RYR2: variants seen among roughly 807,000 people sequenced by gnomAD.
RYR2 encodes the protein ryanodine receptor 2.
RYR2 carries 227 observed loss-of-function variants against 601.1 expected under a neutral mutation model. The observed-to-expected ratio is 0.38, with a 90% confidence interval of 0.34 to 0.42. RYR2 has a LOEUF of 0.42. Among genes scored for constraint, RYR2 ranks in the 10% least tolerant of loss-of-function variants. RYR2 has a pLI of 1.00. For synonymous variants in RYR2, 2,223 were observed against 2,175.1 expected, an observed-to-expected ratio of 1.02 and a Z score of -0.61; for missense variants, 4,646 against 6,156.5, an observed-to-expected ratio of 0.75 and a Z score of 8.21.
intron 104 of RYR2, 33 bp from the exon 105 acceptor site, chr1:237,832,519 G>T: frequency 7.0e-7 from 1 of 1,435,000 alleles, no homozygotes; most frequent in Non-Finnish European, 9.8e-7. Flanking sequence ...ACACTTTGGG[G>T]AAAATGTTAA....
chr1:237,612,683 A>G (rs1678017871), intron 36 of RYR2, among the ~76,000 whole-genome samples: 1 of 152,178 alleles, frequency 6.6e-6, no homozygotes, highest in Non-Finnish European at 1.5e-5. Context: ...CAAAACAAAC[A>G]CAACATTTGG....
intron 1 of RYR2, among the ~76,000 whole-genome samples, chr1:237,244,619 C>G (rs1371560052): frequency 6.6e-6 from 1 of 152,184 alleles, no homozygotes; most frequent in Non-Finnish European, 1.5e-5. Flanking sequence ...AATATAAAAT[C>G]CAGCTCATCC....
chr1:237,444,297 G>T (rs941039605), intron 13 of RYR2, among the ~76,000 whole-genome samples: 64 of 152,066 alleles, frequency 4.2e-4, no homozygotes, highest in African/African-American at 1.4e-3. Flanking sequence ...TCTATTTTTA[G>T]GACATGAAAA....
At chr1:237,544,500 AT>A (rs1332535507) in intron 25 of RYR2, among the ~76,000 whole-genome samples, 2 of 151,988 alleles carry the variant, frequency 1.3e-5, no homozygotes, top group African/African-American at 4.8e-5. Context: ...TTATTTTAGT[AT>A]TTTTTCTTTT....
intron 10 of RYR2, among the ~76,000 whole-genome samples, chr1:237,397,100 A>G (rs1043443193): frequency 1.3e-5 from 2 of 152,016 alleles, no homozygotes; most frequent in Non-Finnish European, 2.9e-5. Flanking sequence ...CCCTGTCTCC[A>G]TTAAAAAATA....
At chr1:237,693,892 A>G (rs1558232575) in intron 63 of RYR2, among the ~76,000 whole-genome samples, 2 of 152,342 alleles carry the variant, frequency 1.3e-5, no homozygotes, top group South Asian at 4.1e-4. Context: ...ACGTCTTTAA[A>G]TGATGATTTC....
chr1:237,122,608 G>A (rs1463856289), intron 1 of RYR2, among the ~76,000 whole-genome samples: 1 of 152,172 alleles, frequency 6.6e-6, no homozygotes, highest in East Asian at 1.9e-4. Context: ...CTTGAACCTA[G>A]GAGGTGGAGA....
intron 38 of RYR2, among the ~76,000 whole-genome samples, chr1:237,621,786 C>T (rs796741177): frequency 3.3e-5 from 5 of 152,250 alleles, no homozygotes; most frequent in African/African-American, 9.6e-5. Flanking sequence ...GGAATACATG[C>T]ATACATACTA....
intron 95 of RYR2, among the ~76,000 whole-genome samples, chr1:237,794,371 G>A (rs1658835299): frequency 5.9e-5 from 9 of 152,056 alleles, no homozygotes; most frequent in Admixed American, 5.9e-4. Context: ...TAGCATTAAA[G>A]GAAAATGCAT....
intron 29 of RYR2, among the ~76,000 whole-genome samples, chr1:237,589,378 A>G (rs1424439898): frequency 6.6e-6 from 1 of 152,164 alleles, no homozygotes; most frequent in Non-Finnish European, 1.5e-5. Flanking sequence ...TTTAGCCAGA[A>G]GGAGGAGCAA....
intron 58 of RYR2, among the ~76,000 whole-genome samples, chr1:237,669,757 T>A (rs1260102541): frequency 6.9e-6 from 1 of 144,120 alleles, no homozygotes; most frequent in Non-Finnish European, 1.5e-5. Context: ...CGCTCCTCAC[T>A]TCCTAGATGG....
chr1:237,724,184 CATATATAT>C (rs35705894), intron 74 of RYR2, among the ~76,000 whole-genome samples: 4,648 of 136,926 alleles, frequency 0.034, 213 homozygotes, highest in African/African-American at 0.1. Context: ...TGTGTGTGTG[CATATATAT>C]ATATATATAT....
chr1:237,459,469 A>G (rs1184824801), intron 16 of RYR2, among the ~76,000 whole-genome samples: 2 of 152,206 alleles, frequency 1.3e-5, no homozygotes, highest in Admixed American at 6.5e-5. Flanking sequence ...TTACGTGCAG[A>G]AAGAACATTG....
chr1:237,801,162 T>G (rs1659912333), intron 97 of RYR2, among the ~76,000 whole-genome samples: 1 of 140,084 alleles, frequency 7.1e-6, no homozygotes, highest in African/African-American at 2.5e-5. Context: ...GGAATGCAAT[T>G]GCAAGTGCAT....
intron 1 of RYR2, among the ~76,000 whole-genome samples, chr1:237,174,150 A>G (rs902762207): frequency 3.3e-5 from 5 of 152,164 alleles, no homozygotes; most frequent in African/African-American, 9.7e-5. Flanking sequence ...ACATTATGAG[A>G]ATTTTTTAAA....
intron 8 of RYR2, among the ~76,000 whole-genome samples, chr1:237,386,378 C>G (rs930998421): frequency 2.0e-5 from 3 of 152,092 alleles, no homozygotes; most frequent in African/African-American, 7.2e-5. Flanking sequence ...CTACTTTAGG[C>G]GTGACTGATC....
rs767817679 is a variant in RYR2, at chr1:237,788,068, A to G, written c.13409A>G (p.Tyr4470Cys). 6.2e-7 allele frequency: 1 copy of G among 1,612,434 alleles called. No individual in the cohort carries two copies. Among genetic ancestry groups the G allele is most frequent in the South Asian group, 1.1e-5 (1 of 90,656 alleles). The change falls in exon 92 of 105, where the codon TAC (tyrosine) becomes TGC (cysteine). Residue 4470 changes from tyrosine to cysteine, a missense_variant. Transcript: ENST00000366574. Reference protein sequence around the residue: ...QKLRQLHTHRYGEPEVPESAF... With the variant: ...QKLRQLHTHRCGEPEVPESAF... ...TTGAGGCAGCTTCACACACACAGATACGGAGAACCAGAAGTGCCAGAGTCA... is the reference window on the plus strand; with the variant it reads ...TTGAGGCAGCTTCACACACACAGATGCGGAGAACCAGAAGTGCCAGAGTCA...
chr1:237,818,273 G>A (rs538583946), intron 100 of RYR2, among the ~76,000 whole-genome samples: 1 of 152,268 alleles, frequency 6.6e-6, no homozygotes, highest in Admixed American at 6.5e-5. Context: ...GGTGCTATTG[G>A]TATCTAAGGG....
At chr1:237,383,702 T>G (rs770537983) in intron 8 of RYR2, among the ~76,000 whole-genome samples, 10 of 152,134 alleles carry the variant, frequency 6.6e-5, no homozygotes, top group East Asian at 5.8e-4. Flanking sequence ...GTGCTGGGAT[T>G]ACAGGCGTGA....
Sources: allele counts gnomAD v4.1 joint callset (sites outside exome capture counted in the v4.1 genomes callset), GRCh38; gene constraint gnomAD v4.1.1; transcripts MANE v1.5; gene names NCBI Gene and HGNC (gene_info 2026-07-23, HGNC 2026-07-21).